The following CDK5RAP3 variants were observed in gnomAD, a reference collection of about 807,000 sequenced individuals.
CDK5RAP3 encodes the protein CDK5 regulatory subunit-associated protein 3.
CDK5RAP3 carries 58 observed loss-of-function variants against 73.3 expected under a neutral mutation model. That is an observed-to-expected ratio of 0.79 (90% CI 0.64 to 0.98). The LOEUF is 0.98. Ranked by LOEUF, CDK5RAP3 falls within the 50% of genes least tolerant of loss-of-function variation. CDK5RAP3 has a pLI of 0.00. For synonymous variants in CDK5RAP3, 224 were observed against 247.5 expected, an observed-to-expected ratio of 0.91 and a Z score of 0.89; for missense variants, 525 against 615.8, an observed-to-expected ratio of 0.85 and a Z score of 1.56.
At chr17:47,969,619 G>T (rs1021280952), upstream of CDK5RAP3, among the ~76,000 whole-genome samples, 1 of 149,832 alleles carries the variant, frequency 6.7e-6, no homozygotes, top group Admixed American at 6.6e-5. Flanking sequence ...GATCCTGGGG[G>T]ATCTGGCCTC....
Position 47,976,599 on chromosome 17 carries a change from AGCAAT to A in CDK5RAP3, c.799-112_799-108del, listed in dbSNP as rs1251704480. ...GGCTGGTCTCAAACTCCTGGGCTCAAGCAATCCACTATCCTCGGCCTCCCAAAGTA... is the reference window on the plus strand; with the variant it reads ...GGCTGGTCTCAAACTCCTGGGCTCAACCACTATCCTCGGCCTCCCAAAGTA... On this transcript the variant is annotated intron_variant, in intron 8 of 13. Transcript: ENST00000338399. The A allele has an allele frequency of 2.2e-5, 16 of 711,138 alleles. No individual in the cohort carries two copies. In the East Asian group the frequency reaches 3.1e-4, roughly 14 times the overall value. 44.1% of individuals were successfully genotyped at this position (711,138 alleles called of 1,614,324 possible).
In CDK5RAP3 at chr17:47,977,153, T is replaced by G. The variant is rs551704882; in HGVS notation, c.909+331T>G. ...CACACCCCTCTAATTTTTTATTTTG[T>G]TTGTTTGTTTGTTGAGACAGAGTCT... is the stretch of plus-strand genomic sequence containing the variant. On this transcript the variant is annotated intron_variant, in intron 9 of 13. Transcript: ENST00000338399. Among the ~76,000 whole-genome samples, 51 of 151,652 alleles carry G rather than the reference T, an allele frequency of 3.4e-4. No individual in the cohort carries two copies. In the East Asian group the frequency reaches 7.8e-3, roughly 23 times the overall value.
chr17:47,973,990 A>C lies in CDK5RAP3; in HGVS notation c.244A>C (p.Thr82Pro), dbSNP rs1381845085. Residue 82 changes from threonine (T) to proline (P), a missense_variant, in exon 4 of 14, where the codon ACG becomes CCG. Around this residue, in one of 2 missense-constraint regions of CDK5RAP3, gnomAD observed 409 missense variants for 429.8 expected, o/e 0.95. Transcript: ENST00000338399. ...LDLLKGTEAS[T>P]KNIFGRYSSQ... is the part of the protein sequence containing the mutation. Reference sequence around the variant, plus strand: ...CCTTCTCAAAGGCACAGAGGCCTCCACGAAGAATATTTTTGGCCGATACTC... The same window carrying C: ...CCTTCTCAAAGGCACAGAGGCCTCCCCGAAGAATATTTTTGGCCGATACTC... 1 of 1,614,030 alleles carries C rather than the reference A, an allele frequency of 6.2e-7. No homozygotes were observed. The highest frequency in any genetic ancestry group is 1.7e-5 in the Admixed American group (1 of 60,002).
At position 47,975,495 on chromosome 17, in the gene CDK5RAP3, C is replaced by T. The variant is rs749707963; in HGVS notation, c.514-19C>T. On this transcript the variant is annotated intron_variant, in intron 6 of 13. Transcript: ENST00000338399. ...GTTTTCTTCAATCTGTTGGACTCCA[C>T]CTCTTCTCCCCTCTCTAGGGCGAAA... The T allele has an allele frequency of 7.5e-6, 12 of 1,610,122 alleles. No homozygotes were observed. In the Admixed American group the frequency reaches 2.0e-4, roughly 27 times the overall value.
upstream of CDK5RAP3, among the ~76,000 whole-genome samples, chr17:47,968,800 G>A (rs1207471330): frequency 2.0e-5 from 3 of 152,148 alleles, no homozygotes; most frequent in Non-Finnish European, 2.9e-5. Context: ...ACAGGCGTGA[G>A]CCACCGTGCC....
In CDK5RAP3 at chr17:47,978,856, A is replaced by G; in HGVS notation, c.1016A>G (p.Asp339Gly). The G allele has an allele frequency of 6.2e-7, 1 of 1,613,894 alleles. No individual in the cohort carries two copies. The highest frequency in any genetic ancestry group is 1.3e-5 in the African/African-American group (1 of 74,976). ...QAPEGVARGP[D>G]ALTLLEYTET... ...CCAGAAGGTGTTGCCAGGGGCCCAGATGCCCTGACACTGCTTGAATACACT... is the reference window on the plus strand; with the variant it reads ...CCAGAAGGTGTTGCCAGGGGCCCAGGTGCCCTGACACTGCTTGAATACACT... Residue 339 changes from aspartate (D) to glycine (G), a missense_variant, in exon 11 of 14, where the codon GAT becomes GGT. Physicochemically the swap from Asp to Gly is moderately conservative, Grantham distance 94. Coordinates refer to ENST00000338399, the MANE Select transcript of CDK5RAP3 (RefSeq NM_176096.3).
chr17:47,976,367 A>C, intron 8 of CDK5RAP3: 1 of 347,346 alleles, frequency 2.9e-6, no homozygotes, highest in Non-Finnish European at 5.3e-6. Context: ...TTTTTAAATT[A>C]ATTTATTTTT....
chr17:47,975,176 C>G lies in CDK5RAP3; in HGVS notation c.352C>G (p.Leu118Val). 6.2e-7 allele frequency: 1 copy of G among 1,614,160 alleles called. No individual in the cohort carries two copies. Among genetic ancestry groups the G allele is most frequent in the Non-Finnish European group, 8.5e-7 (1 of 1,180,030 alleles). Reference sequence around the variant, plus strand: ...CTTCTCAGTGGAACTCTCTAGCCTCCTGGTTCGGAATGTCAACTATGAGAT... The same window carrying G: ...CTTCTCAGTGGAACTCTCTAGCCTCGTGGTTCGGAATGTCAACTATGAGAT... ...NTYLVELSSLLVRNVNYEIPS... is the reference protein window; with the variant it reads ...NTYLVELSSLVVRNVNYEIPS... The change falls in exon 6 of 14, where the codon CTG becomes GTG. Residue 118 changes from leucine to valine, a missense_variant. By Grantham distance (32) the Leu-to-Val change is conservative. This residue lies in a region of CDK5RAP3 where 409 missense variants were observed against 429.8 expected (regional missense o/e 0.95). Coordinates refer to ENST00000338399, the MANE Select transcript of CDK5RAP3 (RefSeq NM_176096.3).
At chr17:47,969,095 T>G (rs2036216342), upstream of CDK5RAP3, among the ~76,000 whole-genome samples, 1 of 152,198 alleles carries the variant, frequency 6.6e-6, no homozygotes, top group Non-Finnish European at 1.5e-5. Context: ...TATCTCCATG[T>G]GGGGAAACTG....
At chr17:47,980,092 A>C (rs948119944) in intron 11 of CDK5RAP3, 1 of 158,810 alleles carries the variant, frequency 6.3e-6, no homozygotes, top group Admixed American at 6.0e-5. Context: ...GTCTGGGGTT[A>C]GGATGAGATA....
At chr17:47,973,756 G>GGAGC in intron 3 of CDK5RAP3, 106 bp downstream of exon 3, 1 of 1,453,206 alleles carries the variant, frequency 6.9e-7, no homozygotes, top group Non-Finnish European at 9.4e-7. Context: ...CTTTAGAGAG[G>GGAGC]GAGCGATTTT....
At chr17:47,971,203 C>G (rs1465123684) in intron 1 of CDK5RAP3, 51 bp downstream of exon 1, 1 of 1,531,050 alleles carries the variant, frequency 6.5e-7, no homozygotes, top group Non-Finnish European at 8.8e-7. Flanking sequence ...GACCCCTAAC[C>G]TGTGTCTCCG....
chr17:47,971,041 A>C, upstream of CDK5RAP3: 2 of 1,539,474 alleles, frequency 1.3e-6, no homozygotes, highest in Admixed American at 4.0e-5. Flanking sequence ...ACGTGGCCGA[A>C]GGATGCCCGT....
chr17:47,978,765 C>T (rs918189327), intron 10 of CDK5RAP3, 64 bp from the exon 11 acceptor site: 14 of 1,274,224 alleles, frequency 1.1e-5, no homozygotes, highest in African/African-American at 1.0e-4. Flanking sequence ...GCTTCTCACA[C>T]TTGAGGGTCT....
intron 9 of CDK5RAP3, 92 bp from the exon 10 acceptor site, chr17:47,977,740 C>G (rs2597173): frequency 9.8e-7 from 1 of 1,018,612 alleles, no homozygotes; most frequent in South Asian, 1.5e-5. Context: ...GAATGTGCAG[C>G]CATTGACCTC....
At chr17:47,976,971 C>A in intron 9 of CDK5RAP3, 149 bp downstream of exon 9, 1 of 483,188 alleles carries the variant, frequency 2.1e-6, no homozygotes, top group Non-Finnish European at 3.7e-6. Context: ...CGTCACATGT[C>A]AGAGTTTTGT....
chr17:47,978,055 G>GA lies in CDK5RAP3; in HGVS notation c.988+145_988+146insA. ...AACCTTGATGAGGATGTGAGCTGAG[G>GA]GGGACCAAGAGAGGTTTTTTTTTTT... On this transcript the variant is annotated intron_variant, in intron 10 of 13. Transcript: ENST00000338399. The GA allele has an allele frequency of 3.7e-6, 2 of 533,402 alleles. 1 individual carries two copies. The highest frequency in any genetic ancestry group is 5.0e-5 in the South Asian group (2 of 40,372). The allele number at this position is 533,402 out of a possible 1,614,324, so 33.0% of individuals were successfully genotyped here.
intron 3 of CDK5RAP3, 84 bp downstream of exon 3, chr17:47,973,734 A>G (rs995178895): frequency 7.7e-6 from 12 of 1,558,520 alleles, no homozygotes; most frequent in African/African-American, 1.4e-5. Context: ...TTATTTAGCC[A>G]CCAGGGCTGG....
rs774244967 is a variant in CDK5RAP3, at chr17:47,981,672, A to G, written c.*170A>G. 2.5e-5 allele frequency: 39 copies of G among 1,538,448 alleles called. No individual in the cohort carries two copies. Among genetic ancestry groups the G allele is most frequent in the Non-Finnish European group, 2.1e-5 (24 of 1,147,028 alleles). Reference sequence around the variant, plus strand: ...GATCTTGGCACTCTCCATGTTCTCTACAAGAAGCTGTGGTGATTGGCCCTG... The same window carrying G: ...GATCTTGGCACTCTCCATGTTCTCTGCAAGAAGCTGTGGTGATTGGCCCTG... On this transcript the variant is annotated 3_prime_UTR_variant, in exon 14 of 14. Transcript: ENST00000338399.
Sources: gnomAD v4.1 joint callset for allele counts (sites outside exome capture counted in the v4.1 genomes callset) on GRCh38, gnomAD v4.1.1 for gene constraint, gnomAD v4.1.1 regional missense constraint, MANE v1.5 for transcripts, NCBI Gene and HGNC (gene_info 2026-07-23, HGNC 2026-07-21) for gene names.